Variants in FYB1 observed in about 807,000 individuals in gnomAD.
FYB1 encodes FYN binding protein 1.
In FYB1, 41 loss-of-function variants were observed where a neutral mutation model predicts 94.1. The observed-to-expected ratio is 0.44, with a 90% CI of 0.34 to 0.57. FYB1 has a LOEUF of 0.57. FYB1 is among the 20% of genes least tolerant of loss of function. FYB1 has a pLI of 0.02. For missense variants in FYB1, 1,050 were observed against 976.8 expected (o/e 1.07, Z -1.00); for synonymous variants, 367 against 353.2 (o/e 1.04, Z -0.44).
At chr5:39,231,954 T>C (rs933521570) in intron 1 of FYB1, among the ~76,000 whole-genome samples, 2 of 151,764 alleles carry the variant, frequency 1.3e-5, no homozygotes, top group Admixed American at 1.3e-4. Flanking sequence ...TGAAGAGACT[T>C]AAAAAAAAGT....
chr5:39,256,819 T>C (rs1347479903), intron 1 of FYB1, among the ~76,000 whole-genome samples: 1 of 152,248 alleles, frequency 6.6e-6, no homozygotes, highest in Non-Finnish European at 1.5e-5. Context: ...TGTGGGTACA[T>C]GTGATAAAAT....
intron 1 of FYB1, among the ~76,000 whole-genome samples, chr5:39,217,112 A>G (rs1275114953): frequency 1.3e-5 from 2 of 152,162 alleles, no homozygotes; most frequent in African/African-American, 4.8e-5. Context: ...CTAGTGACCA[A>G]TAGAGAGCAT....
chr5:39,234,804 A>C (rs1310718514), intron 1 of FYB1, among the ~76,000 whole-genome samples: 1 of 151,782 alleles, frequency 6.6e-6, no homozygotes, highest in African/African-American at 2.4e-5. Flanking sequence ...AAAACCAAAC[A>C]CCACATGTTC....
intron 1 of FYB1, among the ~76,000 whole-genome samples, chr5:39,243,955 T>C (rs1483360703): frequency 6.6e-6 from 1 of 152,176 alleles, no homozygotes; most frequent in Non-Finnish European, 1.5e-5. Flanking sequence ...CTGTTATTGG[T>C]GTATAAGAAT....
intron 9 of FYB1, among the ~76,000 whole-genome samples, chr5:39,132,717 T>C (rs531763112): frequency 1.3e-5 from 2 of 152,208 alleles, no homozygotes; most frequent in African/African-American, 4.8e-5. Flanking sequence ...ATTTTTTTCT[T>C]GAGTATGCAC....
chr5:39,231,622 G>A (rs577684597), intron 1 of FYB1, among the ~76,000 whole-genome samples: 28 of 152,234 alleles, frequency 1.8e-4, no homozygotes, highest in Admixed American at 1.4e-3. Flanking sequence ...GTAGGATTTC[G>A]TGGGCTGAGA....
Position 39,124,311 on chromosome 5 carries a change from G to T in FYB1, c.2046-33C>A. 2.0e-6 allele frequency: 3 copies of T among 1,490,374 alleles called. No individual in the cohort carries two copies. The South Asian group carries it at 3.8e-5, about 19-fold the overall frequency. 92.3% of individuals were successfully genotyped at this position (1,490,374 alleles called of 1,614,324 possible). Reference sequence around the variant, plus strand: ...GAAAGTGAGAACACAATTATAATCAGACTAACATGAACACAGAAATTGATT... The same window carrying T: ...GAAAGTGAGAACACAATTATAATCATACTAACATGAACACAGAAATTGATT... On this transcript the variant is annotated intron_variant, in intron 12 of 18. Coordinates refer to ENST00000512982, the MANE Select transcript of FYB1 (RefSeq NM_001465.6).
chr5:39,213,989 G>A (rs1004618773), intron 1 of FYB1, among the ~76,000 whole-genome samples: 2 of 151,204 alleles, frequency 1.3e-5, no homozygotes, highest in East Asian at 1.9e-4. Flanking sequence ...TAACAACTTC[G>A]TCTGAATGAA....
At chr5:39,262,102 T>C (rs1057438996) in intron 1 of FYB1, among the ~76,000 whole-genome samples, 5 of 152,192 alleles carry the variant, frequency 3.3e-5, no homozygotes, top group African/African-American at 9.7e-5. Flanking sequence ...GATTAATTTC[T>C]TAAAAGGACA....
At chr5:39,266,350 G>A (rs1482287882) in intron 1 of FYB1, among the ~76,000 whole-genome samples, 1 of 152,164 alleles carries the variant, frequency 6.6e-6, no homozygotes, top group Non-Finnish European at 1.5e-5. Flanking sequence ...GATTCCACAG[G>A]GAGAAATGGG....
intron 16 of FYB1, among the ~76,000 whole-genome samples, chr5:39,117,161 A>G (rs532093847): frequency 6.6e-6 from 1 of 152,230 alleles, no homozygotes; most frequent in African/African-American, 2.4e-5. Context: ...ACTGATTCCT[A>G]TTTTGGTATT....
At chr5:39,110,097 T>C (rs1177165866) in intron 17 of FYB1, among the ~76,000 whole-genome samples, 2 of 152,162 alleles carry the variant, frequency 1.3e-5, no homozygotes, top group Non-Finnish European at 2.9e-5. Context: ...GAGAGCCTAA[T>C]GAATATATAA....
intron 2 of FYB1, among the ~76,000 whole-genome samples, chr5:39,166,632 AT>A (rs1744765126): frequency 6.6e-6 from 1 of 152,184 alleles, no homozygotes; most frequent in African/African-American, 2.4e-5. Flanking sequence ...CCATAAAAAA[AT>A]AAAATTATGT....
intron 3 of FYB1, among the ~76,000 whole-genome samples, chr5:39,143,543 A>G (rs1459930487): frequency 6.6e-6 from 1 of 152,150 alleles, no homozygotes; most frequent in African/African-American, 2.4e-5. Context: ...CCCTTCTCCA[A>G]CTTTTGCCAT....
At chr5:39,143,344 G>A (rs1301289817) in intron 3 of FYB1, among the ~76,000 whole-genome samples, 29 of 151,926 alleles carry the variant, frequency 1.9e-4, no homozygotes, top group African/African-American at 2.4e-5. Flanking sequence ...CTCATCTTCA[G>A]TTCCATGTCA....
chr5:39,188,742 A>G lies in FYB1; in HGVS notation c.1135+13084T>C, dbSNP rs955847120. Among the ~76,000 whole-genome samples, 8 of 152,134 alleles carry G rather than the reference A, an allele frequency of 5.3e-5. No homozygotes were observed. In the East Asian group the frequency reaches 1.5e-3, roughly 29 times the overall value. On this transcript the variant is annotated intron_variant, in intron 2 of 18. Coordinates refer to ENST00000512982, the MANE Select transcript of FYB1 (RefSeq NM_001465.6). The stretch of plus-strand genomic sequence containing the variant: ...TAGATGGGGTTTCACCATGTTGGCC[A>G]GGCTGGTCTCGAACTCCTGACCTCA...
At chr5:39,186,253 G>A (rs1049451216) in intron 2 of FYB1, among the ~76,000 whole-genome samples, 1 of 152,032 alleles carries the variant, frequency 6.6e-6, no homozygotes, top group Non-Finnish European at 1.5e-5. Context: ...GTGAAACCCC[G>A]TCTCTACTAA....
At chr5:39,160,497 C>T (rs1300738732) in intron 2 of FYB1, among the ~76,000 whole-genome samples, 1 of 152,186 alleles carries the variant, frequency 6.6e-6, no homozygotes, top group African/African-American at 2.4e-5. Flanking sequence ...ATACTACTTC[C>T]AGATTCTTCA....
Position 39,202,001 on chromosome 5 carries a change from C to A in FYB1, c.960G>T (p.Leu320=), listed in dbSNP as rs41308234. 1 of 1,614,052 alleles carries A rather than the reference C, an allele frequency of 6.2e-7. No homozygotes were observed. Among genetic ancestry groups the A allele is most frequent in the African/African-American group, 1.3e-5 (1 of 75,058 alleles). The change falls in exon 2 of 19, where the codon CTG becomes CTT. Residue 320 remains leucine, a synonymous_variant. Coordinates refer to ENST00000512982, the MANE Select transcript of FYB1 (RefSeq NM_001465.6). ...PARFPKAPSK[L]TVGGPWGQSQ... is the part of the protein sequence containing the mutation. ...TTTGGCCCCATGGCCCCCCCACTGT[C>A]AGCTTAGAAGGGGCCTTAGGGAACC...
Sources: gnomAD v4.1 joint callset for allele counts (sites outside exome capture counted in the v4.1 genomes callset) on GRCh38, gnomAD v4.1.1 for gene constraint, MANE v1.5 for transcripts, NCBI Gene and HGNC (gene_info 2026-07-23, HGNC 2026-07-21) for gene names.